ABLIM2: variants seen among roughly 807,000 people sequenced by gnomAD.
ABLIM2 encodes the protein actin binding LIM protein family member 2, also known as actin-binding LIM protein 2.
In ABLIM2, 53 loss-of-function variants were observed where a neutral mutation model predicts 97.7. The ratio of observed to expected loss-of-function variants is 0.54; its 90% confidence interval spans 0.44 to 0.68. ABLIM2 has a LOEUF of 0.68. Ranked by LOEUF, ABLIM2 falls within the 30% of genes least tolerant of loss-of-function variation. The pLI, the probability that ABLIM2 is intolerant of heterozygous loss-of-function variation, is 0.00. For synonymous variants in ABLIM2, 361 were observed against 345.8 expected, an observed-to-expected ratio of 1.04 and a Z score of -0.49; for missense variants, 835 against 867.2, an observed-to-expected ratio of 0.96 and a Z score of 0.47.
intron 12 of ABLIM2, among the ~76,000 whole-genome samples, chr4:8,024,707 C>A (rs901311917): frequency 2.0e-5 from 3 of 152,194 alleles, no homozygotes; most frequent in Admixed American, 6.5e-5. Flanking sequence ...AACGGGACCC[C>A]GGGTAGAAGC....
At position 7,991,377 on chromosome 4, in the gene ABLIM2, G is replaced by A. The variant is rs919161688; in HGVS notation, c.1680+1489C>T. Among the ~76,000 whole-genome samples the A allele has an allele frequency of 4.1e-5, 6 of 145,622 alleles. No homozygotes were observed. In the East Asian group the frequency reaches 1.0e-3, roughly 25 times the overall value. Reference sequence around the variant, plus strand: ...GAGGAAAGTCTCCAGGACCTCACTCGGATGGTGGAACACCTTGGCTTGGTC... The same window carrying A: ...GAGGAAAGTCTCCAGGACCTCACTCAGATGGTGGAACACCTTGGCTTGGTC... On this transcript the variant is annotated intron_variant, in intron 17 of 20. Coordinates refer to ENST00000447017, the MANE Select transcript of ABLIM2 (RefSeq NM_001130083.2).
At chr4:8,102,943 C>T (rs1168726637) in intron 2 of ABLIM2, among the ~76,000 whole-genome samples, 1 of 152,220 alleles carries the variant, frequency 6.6e-6, no homozygotes. Flanking sequence ...AAGGGTTCTC[C>T]TCCCTAATGA....
intron 12 of ABLIM2, among the ~76,000 whole-genome samples, chr4:8,026,419 G>A (rs1777351400): frequency 6.6e-6 from 1 of 152,238 alleles, no homozygotes; most frequent in South Asian, 2.1e-4. Context: ...AGGCCACGGG[G>A]CCCGCCCAAA....
intron 10 of ABLIM2, 133 bp downstream of exon 10, chr4:8,036,016 G>T (rs1784267949): frequency 5.3e-6 from 6 of 1,129,066 alleles, no homozygotes; most frequent in Non-Finnish European, 6.2e-6. Flanking sequence ...GCGTGAAGAG[G>T]CTGAGCGTGT....
Position 8,032,799 on chromosome 4 carries a change from C to A in ABLIM2, c.1048-3023G>T. ...ACACCCACACAGAGCCCTGATCCTC[C>A]AGACAGGAAAAGAACTCTACCCCGA... On this transcript the variant is annotated intron_variant, in intron 10 of 20. Transcript: ENST00000447017. This position sits in a 1 kb window ranked among gnomAD's most constrained non-coding sequence, Gnocchi z 4.3. 1 of 1,045,272 alleles carries A rather than the reference C, an allele frequency of 9.6e-7. No homozygotes were observed. The allele number at this position is 1,045,272 out of a possible 1,614,324, so 64.7% of individuals were successfully genotyped here. A position where few individuals can be genotyped will look rare whatever the true frequency, so the allele number is the denominator to read the frequency against.
In ABLIM2 at chr4:8,068,028, C is replaced by T. The variant is rs1371494234; in HGVS notation, c.676-6974G>A. On this transcript the variant is annotated intron_variant, in intron 6 of 20. Transcript: ENST00000447017. This position sits in a 1 kb window ranked among gnomAD's most constrained non-coding sequence, Gnocchi z 4.5. ...GATGGAGTCAAAAATTAGAAGTGTC[C>T]TCATTCCCTGTGTCACCTCCTGTTG... Among the ~76,000 whole-genome samples the T allele has an allele frequency of 6.6e-6, 1 of 152,140 alleles. No homozygotes were observed. The highest frequency in any genetic ancestry group is 1.5e-5 in the Non-Finnish European group (1 of 68,012).
intron 17 of ABLIM2, among the ~76,000 whole-genome samples, chr4:7,991,151 A>G (rs1046249924): frequency 2.6e-5 from 4 of 152,216 alleles, no homozygotes. Flanking sequence ...CCCTGCCAGA[A>G]AGTCTGAATA....
At position 7,995,095 on chromosome 4, in the gene ABLIM2, T is replaced by A. The variant is rs1410894762; in HGVS notation, c.1619-2168A>T. On this transcript the variant is annotated intron_variant, in intron 16 of 20. Coordinates refer to ENST00000447017, the MANE Select transcript of ABLIM2 (RefSeq NM_001130083.2). ...AAGAAATGCTCATCATCACTGGCCA[T>A]CAGAGAAATGCAAATCAAAACCACT... is the stretch of plus-strand genomic sequence containing the variant. Among the ~76,000 whole-genome samples, 2 of 57,628 alleles carry A rather than the reference T, an allele frequency of 3.5e-5. 1 individual carries two copies. Among genetic ancestry groups the A allele is most frequent in the Non-Finnish European group, 1.2e-4 (2 of 17,276 alleles). 37.8% of individuals were successfully genotyped at this position (57,628 alleles called of 152,430 possible). A position where few individuals can be genotyped will look rare whatever the true frequency, so the allele number is the denominator to read the frequency against.
chr4:7,995,370 C>G (rs1039924362), intron 16 of ABLIM2, among the ~76,000 whole-genome samples: 4 of 152,200 alleles, frequency 2.6e-5, no homozygotes, highest in African/African-American at 9.6e-5. Context: ...CCCACGAGGC[C>G]TCCGAGGGGA....
intron 8 of ABLIM2, among the ~76,000 whole-genome samples, chr4:8,050,280 G>A (rs1795123860): frequency 1.3e-5 from 2 of 152,158 alleles, no homozygotes; most frequent in South Asian, 2.1e-4. Flanking sequence ...CACTCTTTCC[G>A]TGGACAGGTC....
intron 17 of ABLIM2, among the ~76,000 whole-genome samples, chr4:7,989,004 T>C (rs1746547181): frequency 6.6e-6 from 1 of 152,184 alleles, no homozygotes; most frequent in South Asian, 2.1e-4. Context: ...ACCTATTTGA[T>C]TGTTTGCTAT....
chr4:8,081,544 G>C (rs1482696572), intron 4 of ABLIM2, among the ~76,000 whole-genome samples: 1 of 152,252 alleles, frequency 6.6e-6, no homozygotes, highest in Non-Finnish European at 1.5e-5. Flanking sequence ...GGGTGGAGCA[G>C]GCTGGGGAGC....
At chr4:8,011,248 C>T (rs796163688) in intron 14 of ABLIM2, among the ~76,000 whole-genome samples, 77 of 152,334 alleles carry the variant, frequency 5.1e-4, no homozygotes, top group African/African-American at 1.8e-3. Flanking sequence ...CCTCCGCCAT[C>T]TGAGAGAGGG....
rs1779043972 is a variant in ABLIM2, at chr4:8,028,741, A to T, written c.1169-884T>A. Among the ~76,000 whole-genome samples the T allele has an allele frequency of 2.6e-5, 4 of 152,206 alleles. No individual in the cohort carries two copies. The South Asian group carries it at 8.3e-4, about 32-fold the overall frequency. On this transcript the variant is annotated intron_variant, in intron 11 of 20. Transcript: ENST00000447017. ...CAGTCATTCATGCACTCACTCACTC[A>T]TTCACTCATTCACTCTCTCATTCAC...
chr4:8,014,195 C>T (rs1158995051), intron 14 of ABLIM2, among the ~76,000 whole-genome samples: 1 of 152,268 alleles, frequency 6.6e-6, no homozygotes, highest in Non-Finnish European at 1.5e-5. Context: ...GGCACCCCGG[C>T]AGGTGCTCTC....
intron 6 of ABLIM2, among the ~76,000 whole-genome samples, chr4:8,063,426 C>A (rs1804761311): frequency 6.6e-6 from 1 of 152,260 alleles, no homozygotes; most frequent in Non-Finnish European, 1.5e-5. Flanking sequence ...GCTATGGTCT[C>A]CACAGCTCGG....
rs368499834 is a variant in ABLIM2 at position 8,141,384 on chromosome 4, ACATGC to A, written c.10+17291_10+17295del. On this transcript the variant is annotated intron_variant, in intron 1 of 20. Coordinates refer to ENST00000447017, the MANE Select transcript of ABLIM2 (RefSeq NM_001130083.2). ...TTCCTCCTCGGCAAATCACAGCCAC[ACATGC>A]CTCCTTCACAGCTTTCCCCGCAGCT... 1.7e-4 allele frequency among the ~76,000 whole-genome samples: 26 copies of A among 152,274 alleles called. No individual in the cohort carries two copies. The South Asian group carries it at 1.9e-3, about 11-fold the overall frequency.
At chr4:8,070,585 C>T (rs541237454) in intron 6 of ABLIM2, among the ~76,000 whole-genome samples, 54 of 152,208 alleles carry the variant, frequency 3.5e-4, no homozygotes, top group African/African-American at 9.2e-4. Context: ...ACAAATGTCC[C>T]GCAATTGCAA....
intron 1 of ABLIM2, among the ~76,000 whole-genome samples, chr4:8,158,273 C>A (rs1316437983): frequency 6.6e-6 from 1 of 152,232 alleles, no homozygotes; most frequent in Non-Finnish European, 1.5e-5. Context: ...AGCTGCAAAG[C>A]CCCGCCTATC....
Sources: allele counts gnomAD v4.1 joint callset (sites outside exome capture counted in the v4.1 genomes callset), GRCh38; gene constraint gnomAD v4.1.1; non-coding constraint Gnocchi (gnomAD v3.1); transcripts MANE v1.5; gene names NCBI Gene and HGNC (gene_info 2026-07-23, HGNC 2026-07-21).